The following MACROD2 variants were observed in gnomAD, a reference collection of about 807,000 sequenced individuals.
MACROD2 encodes the protein mono-ADP ribosylhydrolase 2.
A neutral mutation model predicts 70.4 loss-of-function variants in MACROD2; 36 were observed. That is an observed-to-expected ratio of 0.51 (90% confidence interval 0.39 to 0.68). MACROD2 has a LOEUF of 0.68. Ranked by LOEUF, MACROD2 falls within the 30% of genes least tolerant of loss-of-function variation. The pLI, the probability that MACROD2 is intolerant of heterozygous loss-of-function variation, is 0.00. For synonymous variants in MACROD2, 172 were observed against 178.8 expected (o/e 0.96, Z 0.30); for missense variants, 496 against 538.4 (o/e 0.92, Z 0.78).
intron 5 of MACROD2, among the ~76,000 whole-genome samples, chr20:14,975,145 C>T (rs1292384341): frequency 6.6e-6 from 1 of 152,016 alleles, no homozygotes; most frequent in Non-Finnish European, 1.5e-5. Flanking sequence ...TGTCTCTAGG[C>T]ATCGCAAATA....
At chr20:15,442,316 T>G (rs920615168) in intron 7 of MACROD2, among the ~76,000 whole-genome samples, 1 of 152,200 alleles carries the variant, frequency 6.6e-6, no homozygotes, top group Non-Finnish European at 1.5e-5. Context: ...AAAGTTAAAC[T>G]GTTCTAACAA....
At chr20:14,540,250 C>G (rs1371279731) in intron 4 of MACROD2, among the ~76,000 whole-genome samples, 2 of 152,138 alleles carry the variant, frequency 1.3e-5, no homozygotes, top group Non-Finnish European at 2.9e-5. Context: ...TCTGTGACCT[C>G]AGTTACGTTT....
chr20:15,338,355 C>A lies in MACROD2; in HGVS notation c.541-93050C>A, dbSNP rs939377537. Among the ~76,000 whole-genome samples the A allele has an allele frequency of 2.0e-5, 3 of 151,620 alleles. No individual in the cohort carries two copies. The South Asian group carries it at 6.2e-4, about 31-fold the overall frequency. The stretch of plus-strand genomic sequence containing the variant: ...CCTTTCCCAGAGAATCTAGCCAATT[C>A]TTTTGAGGCTGGCTGCTAGCTCCCT... On this transcript the variant is annotated intron_variant, in intron 6 of 17. Transcript: ENST00000684519.
At chr20:15,188,053 A>G (rs1235544287) in intron 5 of MACROD2, among the ~76,000 whole-genome samples, 3 of 152,306 alleles carry the variant, frequency 2.0e-5, no homozygotes, top group East Asian at 1.9e-4. Flanking sequence ...AAAATTCGGC[A>G]CATCAATCTA....
chr20:16,046,092 C>T (rs146758576), intron 17 of MACROD2, among the ~76,000 whole-genome samples: 27 of 152,252 alleles, frequency 1.8e-4, no homozygotes, highest in East Asian at 9.7e-4. Context: ...TACCTCCTTG[C>T]ACTCACTGCA....
chr20:14,872,416 G>C (rs910650199), intron 5 of MACROD2, among the ~76,000 whole-genome samples: 1 of 151,782 alleles, frequency 6.6e-6, no homozygotes, highest in Non-Finnish European at 1.5e-5. Flanking sequence ...TGCTCAGGAG[G>C]GAAAAAAAGG....
intron 2 of MACROD2, among the ~76,000 whole-genome samples, chr20:14,036,567 T>C (rs938649784): frequency 2.6e-5 from 4 of 152,248 alleles, no homozygotes; most frequent in Admixed American, 6.5e-5. Context: ...TCATGCCTTA[T>C]ACAAAGGTAA....
intron 5 of MACROD2, among the ~76,000 whole-genome samples, chr20:14,870,454 T>C (rs1207852099): frequency 6.6e-6 from 1 of 152,196 alleles, no homozygotes; most frequent in Non-Finnish European, 1.5e-5. Flanking sequence ...TTTGGGTATA[T>C]AACCAGTAAT....
intron 4 of MACROD2, among the ~76,000 whole-genome samples, chr20:14,678,962 A>C (rs1236483288): frequency 1.3e-5 from 2 of 152,074 alleles, no homozygotes. Context: ...GAAAAAAAAA[A>C]ACAACACATT....
chr20:15,998,823 C>CA (rs2066669304), intron 15 of MACROD2, among the ~76,000 whole-genome samples: 1 of 152,072 alleles, frequency 6.6e-6, no homozygotes, highest in Admixed American at 6.5e-5. Context: ...CTCGGCCTCC[C>CA]AAAGTGCTGG....
At chr20:15,683,726 G>C (rs1366438226) in intron 8 of MACROD2, among the ~76,000 whole-genome samples, 1 of 151,942 alleles carries the variant, frequency 6.6e-6, no homozygotes, top group African/African-American at 2.4e-5. Flanking sequence ...CTACAGGCAT[G>C]TACCACCACG....
At chr20:15,191,929 T>TAGAGAGAGAGAG (rs71950480) in intron 5 of MACROD2, among the ~76,000 whole-genome samples, 51 of 86,448 alleles carry the variant, frequency 5.9e-4, no homozygotes, top group Admixed American at 8.8e-4. Flanking sequence ...TATATATATA[T>TAGAGAGAGAGAG]ATAGAGAGAG....
At chr20:15,169,650 A>G (rs972094608) in intron 5 of MACROD2, among the ~76,000 whole-genome samples, 1 of 152,364 alleles carries the variant, frequency 6.6e-6, no homozygotes, top group Non-Finnish European at 1.5e-5. Flanking sequence ...TCTTTACTTA[A>G]TGACCACTGA....
At chr20:15,437,349 G>A (rs1463775769) in intron 7 of MACROD2, among the ~76,000 whole-genome samples, 1 of 152,050 alleles carries the variant, frequency 6.6e-6, no homozygotes, top group Non-Finnish European at 1.5e-5. Flanking sequence ...GCACAGTGAG[G>A]TCCAATCTTG....
chr20:14,212,878 C>T (rs988162580), intron 3 of MACROD2, among the ~76,000 whole-genome samples: 2 of 151,820 alleles, frequency 1.3e-5, no homozygotes, highest in African/African-American at 4.8e-5. Flanking sequence ...TGATCCATGA[C>T]TGCAGCTGTG....
chr20:15,807,302 G>A (rs1369650210), intron 8 of MACROD2, among the ~76,000 whole-genome samples: 6 of 152,164 alleles, frequency 3.9e-5, no homozygotes, highest in African/African-American at 1.4e-4. Flanking sequence ...GCCTTCGTTA[G>A]GCTATGATTT....
chr20:14,970,196 A>G (rs907285675), intron 5 of MACROD2, among the ~76,000 whole-genome samples: 1 of 152,062 alleles, frequency 6.6e-6, no homozygotes, highest in African/African-American at 2.4e-5. Flanking sequence ...CCCTTATACA[A>G]CCATCACCCC....
intron 6 of MACROD2, among the ~76,000 whole-genome samples, chr20:15,373,285 T>C (rs117741627): frequency 0.011 from 1,654 of 152,332 alleles, 10 homozygotes; most frequent in Middle Eastern, 0.037. Context: ...TGTAGTTTTA[T>C]AACCTTGATG....
chr20:15,116,981 C>G (rs1003957336), intron 5 of MACROD2, among the ~76,000 whole-genome samples: 3 of 152,108 alleles, frequency 2.0e-5, no homozygotes, highest in African/African-American at 7.2e-5. Flanking sequence ...GACAGCATGT[C>G]AAGTATGATA....
Sources: allele counts gnomAD v4.1 joint callset (sites outside exome capture counted in the v4.1 genomes callset), GRCh38; gene constraint gnomAD v4.1.1; transcripts MANE v1.5; gene names NCBI Gene and HGNC (gene_info 2026-07-23, HGNC 2026-07-21).